Variants in FAM20C observed in about 807,000 individuals in gnomAD.
FAM20C encodes the protein extracellular serine/threonine protein kinase FAM20C.
A neutral mutation model predicts 51.5 loss-of-function variants in FAM20C; 40 were observed. The observed-to-expected ratio is 0.78, with a 90% CI of 0.60 to 1.01. The LOEUF (loss-of-function observed/expected upper bound fraction) is 1.01. Ranked by LOEUF, FAM20C falls within the 50% of genes least tolerant of loss-of-function variation. The pLI is 0.00. For missense variants in FAM20C, 861 were observed against 844.7 expected (o/e 1.02, Z -0.24); for synonymous variants, 406 against 380.6 (o/e 1.07, Z -0.78).
At chr7:195,907 G>A (rs1562359985) in intron 2 of FAM20C, among the ~76,000 whole-genome samples, 175 bp downstream of exon 2, 1 of 152,268 alleles carries the variant, frequency 6.6e-6, no homozygotes, top group Admixed American at 6.5e-5. Context: ...CGCGTCTCGT[G>A]TGCTCTCACA....
Position 195,871 on chromosome 7 carries a change from C to T in FAM20C, c.784+139C>T, listed in dbSNP as rs528496302. The T allele has an allele frequency of 3.3e-4, 278 of 836,250 alleles. No individual in the cohort carries two copies. In the East Asian group the frequency reaches 4.4e-3, roughly 13 times the overall value. The allele number at this position is 836,250 out of a possible 1,614,324, so 51.8% of individuals were successfully genotyped here. On this transcript the variant is annotated intron_variant, in intron 2 of 9. Transcript: ENST00000313766. Reference sequence around the variant, plus strand: ...GCGTCACCTCCTGCAGCAATCTGCACGGGCAGCGAGGAGGGACAGAGGGCT... The same window carrying T: ...GCGTCACCTCCTGCAGCAATCTGCATGGGCAGCGAGGAGGGACAGAGGGCT...
chr7:216,684 A>T (rs28583150), intron 3 of FAM20C, among the ~76,000 whole-genome samples: 131,029 of 149,408 alleles, frequency 0.88, 57,395 homozygotes, highest in Non-Finnish European at 0.9. Flanking sequence ...TGTGTGTGAG[A>T]GTGTGTGTGT....
chr7:199,845 A>T (rs1373664381), intron 2 of FAM20C, among the ~76,000 whole-genome samples: 18 of 152,186 alleles, frequency 1.2e-4, no homozygotes, highest in Admixed American at 1.2e-3. Flanking sequence ...ACAATTATGG[A>T]TGCAAAGAAT....
intron 3 of FAM20C, among the ~76,000 whole-genome samples, chr7:234,129 G>A (rs979937830): frequency 1.3e-5 from 2 of 152,238 alleles, no homozygotes; most frequent in Admixed American, 6.5e-5. Context: ...GCAAGTGGAG[G>A]CGTGACGCCT....
chr7:208,213 AGGTT>A (rs1462762398), intron 2 of FAM20C, among the ~76,000 whole-genome samples: 1 of 151,170 alleles, frequency 6.6e-6, no homozygotes, highest in East Asian at 1.9e-4. Flanking sequence ...GTGTAAATGT[AGGTT>A]GGTGTTTGTT....
chr7:214,038 C>T (rs998808580), intron 3 of FAM20C, among the ~76,000 whole-genome samples: 6 of 152,126 alleles, frequency 3.9e-5, no homozygotes, highest in African/African-American at 7.2e-5. Context: ...AGTTTTAAGA[C>T]GTCTTGGCCA....
chr7:218,767 G>A (rs566540126), intron 3 of FAM20C, among the ~76,000 whole-genome samples: 54 of 152,250 alleles, frequency 3.5e-4, no homozygotes, highest in East Asian at 1.7e-3. Flanking sequence ...GGCCCAGGAC[G>A]CACAGATCAC....
chr7:220,837 C>A (rs1787229220), intron 3 of FAM20C, among the ~76,000 whole-genome samples: 1 of 152,218 alleles, frequency 6.6e-6, no homozygotes, highest in African/African-American at 2.4e-5. Context: ...AGCCGTCACG[C>A]CCTGGGGAGC....
chr7:247,713 C>T (rs1178044711), intron 4 of FAM20C, among the ~76,000 whole-genome samples: 1 of 152,184 alleles, frequency 6.6e-6, no homozygotes, highest in East Asian at 1.9e-4. Context: ...GAAACAGCCC[C>T]CCTCGGGTCC....
At chr7:258,230 G>A (rs1250145037) in intron 8 of FAM20C, among the ~76,000 whole-genome samples, 2 of 138,998 alleles carry the variant, frequency 1.4e-5, no homozygotes, top group Non-Finnish European at 3.0e-5. Flanking sequence ...TGCTGGAGAT[G>A]GGTGGGGTGG....
intron 3 of FAM20C, among the ~76,000 whole-genome samples, chr7:234,691 G>A (rs1787799661): frequency 6.6e-6 from 1 of 152,194 alleles, no homozygotes; most frequent in Non-Finnish European, 1.5e-5. Context: ...GAGTGACTTA[G>A]GAAGAACAGA....
At chr7:233,159 C>A (rs1029559900) in intron 3 of FAM20C, among the ~76,000 whole-genome samples, 1 of 152,212 alleles carries the variant, frequency 6.6e-6, no homozygotes, top group Non-Finnish European at 1.5e-5. Flanking sequence ...GGGGCAGCCG[C>A]GAGAGCCATG....
intron 9 of FAM20C, 74 bp from the exon 10 acceptor site, chr7:259,657 C>A: frequency 7.4e-7 from 1 of 1,345,096 alleles, no homozygotes; most frequent in Non-Finnish European, 9.5e-7. Flanking sequence ...ATCTCCCTCT[C>A]ACTTTCTCTC....
At chr7:226,621 G>T (rs1358068070) in intron 3 of FAM20C, among the ~76,000 whole-genome samples, 2 of 152,194 alleles carry the variant, frequency 1.3e-5, no homozygotes, top group Admixed American at 1.3e-4. Context: ...GACGGGCACA[G>T]GCGGCCGCTC....
At chr7:206,889 T>C (rs866390759) in intron 2 of FAM20C, among the ~76,000 whole-genome samples, 1 of 48,654 alleles carries the variant, frequency 2.1e-5, no homozygotes, top group Non-Finnish European at 3.8e-5. Context: ...CGCACACGTG[T>C]CCACTGTGAC....
chr7:257,398 T>A, intron 8 of FAM20C: 1 of 337,102 alleles, frequency 3.0e-6, no homozygotes, highest in Non-Finnish European at 5.5e-6. Flanking sequence ...GCAGAATAGA[T>A]GGGCCTCTGC....
chr7:198,756 T>TC (rs1446838898), intron 2 of FAM20C, among the ~76,000 whole-genome samples: 2 of 152,174 alleles, frequency 1.3e-5, no homozygotes, highest in African/African-American at 4.8e-5. Context: ...GGGCAGGGTC[T>TC]CCAACACTGC....
At chr7:226,514 G>T (rs947052129) in intron 3 of FAM20C, among the ~76,000 whole-genome samples, 1 of 152,208 alleles carries the variant, frequency 6.6e-6, no homozygotes, top group Non-Finnish European at 1.5e-5. Flanking sequence ...CCACACGGCC[G>T]CCCGGCTGGG....
At chr7:195,877 G>C in intron 2 of FAM20C, 145 bp downstream of exon 2, 1 of 779,964 alleles carries the variant, frequency 1.3e-6, no homozygotes. Flanking sequence ...TGCACGGGCA[G>C]CGAGGAGGGA....
Sources: gnomAD v4.1 joint callset for allele counts (sites outside exome capture counted in the v4.1 genomes callset) on GRCh38, gnomAD v4.1.1 for gene constraint, MANE v1.5 for transcripts, NCBI Gene and HGNC (gene_info 2026-07-23, HGNC 2026-07-21) for gene names.